PTPRM: variants seen among roughly 807,000 people sequenced by gnomAD.
PTPRM encodes receptor-type tyrosine-protein phosphatase mu.
PTPRM carries 47 observed loss-of-function variants against 186.7 expected under a neutral mutation model. That is an observed-to-expected ratio of 0.25 (90% CI 0.20 to 0.32). The LOEUF is 0.32. Among genes scored for constraint, PTPRM ranks in the 10% least tolerant of loss-of-function variants. The pLI, the probability that PTPRM is intolerant of heterozygous loss-of-function variation, is 1.00. For synonymous variants in PTPRM, 668 were observed against 674.9 expected (o/e 0.99, Z 0.16); for missense variants, 1,494 against 1,865.0 (o/e 0.80, Z 3.66).
At chr18:8,307,169 A>G (rs750278011) in intron 20 of PTPRM, among the ~76,000 whole-genome samples, 2 of 152,150 alleles carry the variant, frequency 1.3e-5, no homozygotes, top group Non-Finnish European at 1.5e-5. Flanking sequence ...CAATCATTTC[A>G]CTTCTTTAGC....
chr18:8,132,250 A>G (rs918379486), intron 13 of PTPRM, among the ~76,000 whole-genome samples: 11 of 152,172 alleles, frequency 7.2e-5, no homozygotes, highest in Non-Finnish European at 1.2e-4. Flanking sequence ...TGTAGTACCA[A>G]TTCAGTGGGT....
chr18:8,150,386 T>C (rs1340098471), intron 14 of PTPRM, among the ~76,000 whole-genome samples: 1 of 152,204 alleles, frequency 6.6e-6, no homozygotes, highest in Admixed American at 6.5e-5. Flanking sequence ...TCACTTTATT[T>C]CATTAAGTTG....
At chr18:7,650,811 GA>G (rs11294839) in intron 1 of PTPRM, among the ~76,000 whole-genome samples, 4,865 of 142,554 alleles carry the variant, frequency 0.034, 83 homozygotes, top group Middle Eastern at 0.04. Context: ...ACATCTACAT[GA>G]AAAAAAAAAT....
At chr18:7,836,932 T>G (rs2046081138) in intron 2 of PTPRM, among the ~76,000 whole-genome samples, 1 of 152,212 alleles carries the variant, frequency 6.6e-6, no homozygotes, top group Non-Finnish European at 1.5e-5. Context: ...ATCCTCGACC[T>G]TTGGGAGTTT....
intron 14 of PTPRM, among the ~76,000 whole-genome samples, chr18:8,154,186 C>T (rs76912874): frequency 0.01 from 1,540 of 152,088 alleles, 13 homozygotes; most frequent in Non-Finnish European, 0.016. Flanking sequence ...AAAGGGAAGC[C>T]GTAGGGAAAT....
chr18:8,051,688 CT>C (rs2087510495), intron 7 of PTPRM, among the ~76,000 whole-genome samples: 1 of 152,082 alleles, frequency 6.6e-6, no homozygotes, highest in Non-Finnish European at 1.5e-5. Context: ...ATTCTGTAGT[CT>C]AACTTTCCAT....
rs538808049 is a variant in PTPRM at position 8,189,127 on chromosome 18, CCCAT to C, written c.2300+45350_2300+45353del. Among the ~76,000 whole-genome samples the C allele has an allele frequency of 1.6e-4, 25 of 151,858 alleles. 1 individual carries two copies. In the South Asian group the frequency reaches 4.8e-3, roughly 29 times the overall value. On this transcript the variant is annotated intron_variant, in intron 14 of 32. Transcript: ENST00000580170. ...CATAGCCTGGGCAATATGACAAGAC[CCCAT>C]CTCTACAAAAAATAAATTAGCCAGG...
At chr18:7,876,285 T>C (rs1265669539) in intron 2 of PTPRM, among the ~76,000 whole-genome samples, 2 of 152,236 alleles carry the variant, frequency 1.3e-5, no homozygotes, top group African/African-American at 4.8e-5. Context: ...GAAAGACATA[T>C]TAATTTTCTG....
intron 11 of PTPRM, among the ~76,000 whole-genome samples, chr18:8,096,314 A>G (rs536466666): frequency 1.1e-3 from 165 of 152,342 alleles, no homozygotes; most frequent in African/African-American, 3.5e-3. Context: ...GAAAAGGCAA[A>G]TATTTGAGTT....
chr18:7,878,125 G>C (rs192330489), intron 2 of PTPRM, among the ~76,000 whole-genome samples: 1 of 152,212 alleles, frequency 6.6e-6, no homozygotes, highest in East Asian at 1.9e-4. Context: ...TTGGTTTAGT[G>C]GTAAGATAAC....
At chr18:7,857,338 T>C (rs2047145304) in intron 2 of PTPRM, among the ~76,000 whole-genome samples, 1 of 152,092 alleles carries the variant, frequency 6.6e-6, no homozygotes, top group Non-Finnish European at 1.5e-5. Flanking sequence ...TTTTAAAACT[T>C]GTTTTAAAAT....
intron 11 of PTPRM, among the ~76,000 whole-genome samples, chr18:8,106,985 T>C (rs2091551648): frequency 6.6e-6 from 1 of 152,202 alleles, no homozygotes; most frequent in African/African-American, 2.4e-5. Flanking sequence ...TTGGATAAAA[T>C]ACAAACTATA....
chr18:7,712,475 C>T (rs536659839), intron 1 of PTPRM, among the ~76,000 whole-genome samples: 2 of 152,162 alleles, frequency 1.3e-5, no homozygotes, highest in East Asian at 2.0e-4. Context: ...CAAAGGATCA[C>T]AACTCCTTAC....
At chr18:8,354,317 A>G (rs904942778) in intron 23 of PTPRM, among the ~76,000 whole-genome samples, 1 of 152,000 alleles carries the variant, frequency 6.6e-6, no homozygotes, top group Non-Finnish European at 1.5e-5. Context: ...AGAACACTGG[A>G]GAATATCTGT....
intron 19 of PTPRM, among the ~76,000 whole-genome samples, chr18:8,285,457 A>G (rs1004761823): frequency 2.0e-5 from 3 of 152,140 alleles, no homozygotes; most frequent in African/African-American, 4.8e-5. Context: ...TAGGAGGCCC[A>G]CTCATGGGGA....
chr18:8,113,746 G>A lies in PTPRM; in HGVS notation c.2117G>A (p.Ser706Asn). The A allele has an allele frequency of 6.2e-7, 1 of 1,613,322 alleles. No homozygotes were observed. Among genetic ancestry groups the A allele is most frequent in the Non-Finnish European group, 8.5e-7 (1 of 1,179,516 alleles). ...TACAGAATTTATTTCCAAGCTGCTA[G>A]TAGAGCCAATGGGGTAAGTTGTACA... ...KSYRIYFQAA[S>N]RANGETKIDC... The change falls in exon 12 of 33, where the codon AGT becomes AAT. Residue 706 changes from serine to asparagine, a missense_variant. By Grantham distance (46) the Ser-to-Asn change is conservative. Transcript: ENST00000580170.
chr18:7,819,389 G>A (rs1568175601), intron 2 of PTPRM, among the ~76,000 whole-genome samples: 1 of 152,260 alleles, frequency 6.6e-6, no homozygotes, highest in Non-Finnish European at 1.5e-5. Flanking sequence ...GGATGTTGAG[G>A]GGAGCACACT....
intron 5 of PTPRM, among the ~76,000 whole-genome samples, chr18:7,937,755 G>C (rs577979059): frequency 6.6e-6 from 1 of 152,350 alleles, no homozygotes; most frequent in South Asian, 2.1e-4. Flanking sequence ...TCACCTAAAA[G>C]TGACCAAGGT....
chr18:7,940,668 G>T (rs2052111518), intron 5 of PTPRM, among the ~76,000 whole-genome samples: 1 of 152,024 alleles, frequency 6.6e-6, no homozygotes, highest in African/African-American at 2.4e-5. Context: ...AGGATGGGAG[G>T]ACTGGGTGTG....
Sources: allele counts gnomAD v4.1 joint callset (sites outside exome capture counted in the v4.1 genomes callset), GRCh38; gene constraint gnomAD v4.1.1; transcripts MANE v1.5; gene names NCBI Gene and HGNC (gene_info 2026-07-23, HGNC 2026-07-21).